RFX3: variants seen among roughly 807,000 people sequenced by gnomAD.
RFX3 encodes the protein transcription factor RFX3.
Under a neutral mutation model 98.6 loss-of-function variants are expected in RFX3, and 14 were observed. The observed-to-expected ratio is 0.14, with a 90% CI of 0.09 to 0.22. RFX3 has a LOEUF of 0.22. Ranked by LOEUF, RFX3 falls within the 10% of genes least tolerant of loss-of-function variation. The pLI is 1.00. For synonymous variants in RFX3, 383 were observed against 328.4 expected, an observed-to-expected ratio of 1.17 and a Z score of -1.80; for missense variants, 639 against 926.9, an observed-to-expected ratio of 0.69 and a Z score of 4.03.
intron 4 of RFX3, among the ~76,000 whole-genome samples, chr9:3,310,685 C>G (rs1360403346): frequency 6.6e-6 from 1 of 152,068 alleles, no homozygotes; most frequent in Admixed American, 6.5e-5. Flanking sequence ...AGATTAGAAA[C>G]CTGAGACTAT....
chr9:3,482,857 T>C (rs141705716), intron 1 of RFX3, among the ~76,000 whole-genome samples: 19 of 152,068 alleles, frequency 1.2e-4, no homozygotes, highest in African/African-American at 4.6e-4. Flanking sequence ...ATTCTGTAAC[T>C]GAAAAAAAAA....
intron 1 of RFX3, among the ~76,000 whole-genome samples, chr9:3,465,119 T>G (rs1043551336): frequency 1.3e-5 from 2 of 152,162 alleles, no homozygotes; most frequent in Non-Finnish European, 1.5e-5. Flanking sequence ...CAGGTCATTC[T>G]TTTCCAGAGG....
At chr9:3,479,263 A>AT (rs1849535453) in intron 1 of RFX3, among the ~76,000 whole-genome samples, 1 of 152,048 alleles carries the variant, frequency 6.6e-6, no homozygotes, top group Non-Finnish European at 1.5e-5. Flanking sequence ...TTTTACCCAT[A>AT]TTTTTGTTGT....
rs148117135 is a variant in RFX3 at position 3,506,510 on chromosome 9, G to A, written c.-9+19237C>T. Among the ~76,000 whole-genome samples, 289 of 151,812 alleles carry A rather than the reference G, an allele frequency of 1.9e-3. 2 individuals are homozygous for A. The highest frequency in any genetic ancestry group is 6.3e-3 in the African/African-American group (263 of 41,448). ...CAAAGCAAGGTTCCCATAATGCCCC[G>A]CATGTCTCTCCTATATTAAGGAATT... is the stretch of plus-strand genomic sequence containing the variant. On this transcript the variant is annotated intron_variant, in intron 1 of 16. Coordinates refer to ENST00000617270, the MANE Select transcript of RFX3 (RefSeq NM_001282116.2).
chr9:3,260,530 T>TA (rs1465023630), intron 13 of RFX3, among the ~76,000 whole-genome samples: 2 of 151,884 alleles, frequency 1.3e-5, no homozygotes, highest in African/African-American at 4.8e-5. Context: ...AATAATTCTT[T>TA]AAAATGTTTT....
At chr9:3,441,981 C>T (rs552785983) in intron 1 of RFX3, among the ~76,000 whole-genome samples, 1 of 152,238 alleles carries the variant, frequency 6.6e-6, no homozygotes, top group South Asian at 2.1e-4. Flanking sequence ...GGGCAGATCA[C>T]CTGAGGTCAG....
chr9:3,230,424 G>A (rs879821427), intron 15 of RFX3, among the ~76,000 whole-genome samples: 3 of 152,000 alleles, frequency 2.0e-5, no homozygotes, highest in Non-Finnish European at 2.9e-5. Context: ...TACATCCCAC[G>A]GGGCAACAAA....
At chr9:3,514,971 T>G (rs1227358263) in intron 1 of RFX3, among the ~76,000 whole-genome samples, 1 of 152,192 alleles carries the variant, frequency 6.6e-6, no homozygotes, top group African/African-American at 2.4e-5. Flanking sequence ...TCATCAAAAT[T>G]CATCTCTGAG....
intron 4 of RFX3, among the ~76,000 whole-genome samples, chr9:3,314,130 G>A (rs1032040115): frequency 6.6e-6 from 1 of 152,108 alleles, no homozygotes; most frequent in African/African-American, 2.4e-5. Flanking sequence ...GAGAAAGGTC[G>A]GGTTACCCAC....
At chr9:3,468,080 C>T (rs942298623) in intron 1 of RFX3, among the ~76,000 whole-genome samples, 1 of 152,110 alleles carries the variant, frequency 6.6e-6, no homozygotes, top group Non-Finnish European at 1.5e-5. Context: ...AGAAACGATG[C>T]CTCAAGTTTT....
chr9:3,454,022 A>G (rs1364544203), intron 1 of RFX3, among the ~76,000 whole-genome samples: 1 of 152,200 alleles, frequency 6.6e-6, no homozygotes, highest in Non-Finnish European at 1.5e-5. Flanking sequence ...TAGTACATAT[A>G]AATATATTAG....
At chr9:3,315,325 T>C (rs1830459879) in intron 4 of RFX3, among the ~76,000 whole-genome samples, 1 of 152,160 alleles carries the variant, frequency 6.6e-6, no homozygotes, top group Non-Finnish European at 1.5e-5. Context: ...TTGAAACCAA[T>C]GAGAACAAAG....
rs1173479227 is a variant in RFX3, at chr9:3,266,198, T to C, written c.1455+10A>G. On this transcript the variant is annotated intron_variant, in intron 12 of 16. Transcript: ENST00000617270. The stretch of plus-strand genomic sequence containing the variant: ...CAACACAAAAGAAAAAGCAAGGACA[T>C]AAAGTATACCTTGGTTTGTATCATT... The C allele has an allele frequency of 2.6e-6, 4 of 1,530,730 alleles. No individual in the cohort carries two copies. 94.8% of individuals were successfully genotyped at this position (1,530,730 alleles called of 1,614,324 possible). A position where few individuals can be genotyped will look rare whatever the true frequency, so the allele number is the denominator to read the frequency against.
chr9:3,510,289 C>A (rs968659978), intron 1 of RFX3, among the ~76,000 whole-genome samples: 1 of 151,684 alleles, frequency 6.6e-6, no homozygotes, highest in Non-Finnish European at 1.5e-5. Context: ...GCTATGCAAA[C>A]AGGGCCAGGT....
intron 4 of RFX3, among the ~76,000 whole-genome samples, chr9:3,321,648 C>T (rs1384055319): frequency 6.6e-6 from 1 of 152,124 alleles, no homozygotes; most frequent in Non-Finnish European, 1.5e-5. Flanking sequence ...TTTGTTGTTT[C>T]ACCATTGCCT....
At chr9:3,336,207 C>T (rs1833157271) in intron 3 of RFX3, among the ~76,000 whole-genome samples, 1 of 152,056 alleles carries the variant, frequency 6.6e-6, no homozygotes, top group South Asian at 2.1e-4. Context: ...ATGGGTACAA[C>T]ATTTTATTGC....
chr9:3,419,580 T>C (rs971846452), intron 1 of RFX3, among the ~76,000 whole-genome samples: 1 of 152,182 alleles, frequency 6.6e-6, no homozygotes, highest in Admixed American at 6.5e-5. Context: ...TATCCTGCTG[T>C]ACTCTTCTGA....
At chr9:3,511,180 T>G (rs1271050655) in intron 1 of RFX3, among the ~76,000 whole-genome samples, 1 of 152,038 alleles carries the variant, frequency 6.6e-6, no homozygotes, top group Non-Finnish European at 1.5e-5. Context: ...ATTTACCTCT[T>G]CATATCTTAA....
chr9:3,376,276 C>T (rs1838481511), intron 2 of RFX3, among the ~76,000 whole-genome samples: 1 of 152,104 alleles, frequency 6.6e-6, no homozygotes, highest in Non-Finnish European at 1.5e-5. Context: ...AATATTTTGG[C>T]AGTTTCTTAT....
Sources: gnomAD v4.1 joint callset for allele counts (sites outside exome capture counted in the v4.1 genomes callset) on GRCh38, gnomAD v4.1.1 for gene constraint, MANE v1.5 for transcripts, NCBI Gene and HGNC (gene_info 2026-07-23, HGNC 2026-07-21) for gene names.